CORO1A: variants seen among roughly 807,000 people sequenced by gnomAD.
CORO1A encodes coronin 1A, also known as coronin-1A.
A neutral mutation model predicts 44.1 loss-of-function variants in CORO1A; 17 were observed. That is an observed-to-expected ratio of 0.39 (90% CI 0.26 to 0.58). The LOEUF is 0.58. CORO1A is among the 20% of genes least tolerant of loss of function. The pLI is 0.62. For missense variants in CORO1A, 415 were observed against 606.5 expected, an observed-to-expected ratio of 0.68 and a Z score of 3.32; for synonymous variants, 271 against 244.2, an observed-to-expected ratio of 1.11 and a Z score of -1.02.
intron 2 of CORO1A, 64 bp from the exon 3 acceptor site, chr16:30,186,534 G>C: frequency 1.2e-6 from 2 of 1,600,302 alleles, no homozygotes; most frequent in Non-Finnish European, 1.7e-6. Context: ...TCTGAAGGAG[G>C]TGTGGGGAGG....
chr16:30,185,591 C>T (rs566372274), intron 2 of CORO1A, 184 bp downstream of exon 2: 18 of 617,366 alleles, frequency 2.9e-5, no homozygotes, highest in Non-Finnish European at 4.5e-5. Flanking sequence ...TGGAAACTGA[C>T]GCTCAGAAGG....
chr16:30,187,068 G>T lies in CORO1A; in HGVS notation c.481G>T (p.Val161Leu). Residue 161 changes from valine to leucine, a missense_variant, in exon 5 of 11, where the codon GTG becomes TTG. By Grantham distance (32) the Val-to-Leu change is conservative. Transcript: ENST00000219150. ...GCDNVIMVWDVGTGAAMLTLG... is the reference protein window; with the variant it reads ...GCDNVIMVWDLGTGAAMLTLG... ...TGACAACGTGATCATGGTGTGGGAC[G>T]TGGGCACTGGGGCGGCCATGCTGAC... 2 of 1,614,084 alleles carry T rather than the reference G, an allele frequency of 1.2e-6. No individual in the cohort carries two copies. Among genetic ancestry groups the T allele is most frequent in the Middle Eastern group, 1.6e-4 (1 of 6,062 alleles).
chr16:30,186,201 C>T (rs1246099676), intron 2 of CORO1A: 10 of 327,502 alleles, frequency 3.1e-5, no homozygotes, highest in African/African-American at 1.3e-4. Context: ...CACTCACACT[C>T]GCTCTCTGGG....
chr16:30,186,017 G>C, intron 2 of CORO1A: 1 of 201,370 alleles, frequency 5.0e-6, no homozygotes, highest in South Asian at 7.6e-5. Context: ...AAGAGGAAGT[G>C]GTTGTCGGGG....
intron 2 of CORO1A, chr16:30,185,686 G>C (rs2073325398): frequency 1.9e-6 from 1 of 516,882 alleles, no homozygotes; most frequent in Non-Finnish European, 3.5e-6. Context: ...GCCTCAGCCT[G>C]GGGCTTTCTC....
At position 30,187,418 on chromosome 16, in the gene CORO1A, C is replaced by G; in HGVS notation, c.673C>G (p.Arg225Gly). 1 of 1,611,286 alleles carries G rather than the reference C, an allele frequency of 6.2e-7. No homozygotes were observed. Among genetic ancestry groups the G allele is most frequent in the Non-Finnish European group, 8.5e-7 (1 of 1,180,004 alleles). ...DRPHEGTRPVRAVFVSEGKIL... is the reference protein window; with the variant it reads ...DRPHEGTRPVGAVFVSEGKIL... ...TCCCCACGAGGGGACCCGGCCCGTG[C>G]GTGCAGTGTTCGTGTCGGAGGGGAA... Residue 225 changes from arginine to glycine, a missense_variant, in exon 6 of 11, where the codon CGT becomes GGT. Around this residue, in one of 2 missense-constraint regions of CORO1A, gnomAD observed 325 missense variants for 521.7 expected, o/e 0.62. Transcript: ENST00000219150.
intron 9 of CORO1A, 34 bp downstream of exon 9, chr16:30,188,283 C>A: frequency 6.2e-7 from 1 of 1,611,146 alleles, no homozygotes; most frequent in Non-Finnish European, 8.5e-7. Flanking sequence ...GGGCTCCAGG[C>A]TGGGCACTGA....
At position 30,187,715 on chromosome 16, in the gene CORO1A, G is replaced by C. The variant is rs367708753; in HGVS notation, c.757-10G>C. The C allele has an allele frequency of 2.2e-5, 35 of 1,600,560 alleles. No individual in the cohort carries two copies. Among genetic ancestry groups the C allele is most frequent in the Non-Finnish European group, 2.9e-5 (34 of 1,169,200 alleles). On this transcript the variant is annotated splice_polypyrimidine_tract_variant and intron_variant, in intron 6 of 10. Coordinates refer to ENST00000219150, the MANE Select transcript of CORO1A (RefSeq NM_007074.4). Reference sequence around the variant, plus strand: ...GGGCCTGGGATGTTACCTCTCACCTGTGTCTACAGAAGCACCTGGAGGAGC... The same window carrying C: ...GGGCCTGGGATGTTACCTCTCACCTCTGTCTACAGAAGCACCTGGAGGAGC...
chr16:30,184,207 G>T lies in CORO1A; in HGVS notation c.-2+482G>T, dbSNP rs2073307191. The stretch of plus-strand genomic sequence containing the variant: ...GCTTCCTGTCCCCCACCTCTGGTCC[G>T]GGGCTCCCCTCTCTCCAGATACAGG... On this transcript the variant is annotated intron_variant, in intron 1 of 10. Coordinates refer to ENST00000219150, the MANE Select transcript of CORO1A (RefSeq NM_007074.4). This position sits in a 1 kb window ranked among gnomAD's most constrained non-coding sequence, Gnocchi z 4.3. The T allele has an allele frequency of 6.6e-6, 1 of 152,250 alleles. No homozygotes were observed. Among genetic ancestry groups the T allele is most frequent in the South Asian group, 2.1e-4 (1 of 4,830 alleles). The allele number at this position is 152,250 out of a possible 1,614,324, so 9.4% of individuals were successfully genotyped here.
intron 9 of CORO1A, 54 bp downstream of exon 9, chr16:30,188,303 CT>C: frequency 6.2e-6 from 10 of 1,612,084 alleles, no homozygotes; most frequent in Non-Finnish European, 8.5e-6. Flanking sequence ...ACTTTGCGGT[CT>C]TGTGGGGGGT....
rs1567378273 is a variant in CORO1A at position 30,189,014 on chromosome 16, C to T, written c.*50C>T. The T allele has an allele frequency of 6.6e-6, 1 of 152,150 alleles. No homozygotes were observed. The highest frequency in any genetic ancestry group is 1.1e-5 in the Non-Finnish European group (1 of 88,590). The allele number at this position is 152,150 out of a possible 1,614,324, so 9.4% of individuals were successfully genotyped here. On this transcript the variant is annotated 3_prime_UTR_variant, in exon 11 of 11. Transcript: ENST00000219150. ...TCAGCCATTCACACCCATCCACTCA[C>T]CTCCCATTCCCAGCCACATGGCAGA...
rs371818902 is a variant in CORO1A at position 30,187,218 on chromosome 16, G to A, written c.631G>A (p.Val211Ile). 38 of 1,611,934 alleles carry A rather than the reference G, an allele frequency of 2.4e-5. No individual in the cohort carries two copies. Among genetic ancestry groups the A allele is most frequent in the Admixed American group, 1.2e-4 (7 of 60,014 alleles). Residue 211 changes from valine (V) to isoleucine (I), a missense_variant, in exon 5 of 11, where the codon GTA (valine) becomes ATA (isoleucine). Transcript: ENST00000219150. ...RIIEPRKGTV[V>I]AEKDRPHEGT... ...CATCGAGCCCCGCAAAGGCACTGTC[G>A]TAGCTGTGAGTCGCCATCTACCCTG...
Position 30,188,149 on chromosome 16 carries a change from C to G in CORO1A, c.1008-43C>G, listed in dbSNP as rs965845652. 2.5e-6 allele frequency: 4 copies of G among 1,613,730 alleles called. No homozygotes were observed. In the African/African-American group the frequency reaches 5.3e-5, roughly 22 times the overall value. The stretch of plus-strand genomic sequence containing the variant: ...TGGGCAGTGGGCAGTCCCAAGCCCA[C>G]CCAACCAGACTGTGGGCCCCGCTCA... On this transcript the variant is annotated intron_variant, in intron 8 of 10. Transcript: ENST00000219150.
At position 30,183,736 on chromosome 16, in the gene CORO1A, G is replaced by A; in HGVS notation, c.-2+11G>A. The A allele has an allele frequency of 6.6e-6, 1 of 152,434 alleles. No individual in the cohort carries two copies. Among genetic ancestry groups the A allele is most frequent in the Non-Finnish European group, 1.5e-5 (1 of 68,112 alleles). The allele number at this position is 152,434 out of a possible 1,614,324, so 9.4% of individuals were successfully genotyped here. ...CTCTCTCGGCAGCAGGTGAGGCTGGGCCTGGGAGGCGCGGGTGGGCCGGGG... is the reference window on the plus strand; with the variant it reads ...CTCTCTCGGCAGCAGGTGAGGCTGGACCTGGGAGGCGCGGGTGGGCCGGGG... On this transcript the variant is annotated intron_variant, in intron 1 of 10. Coordinates refer to ENST00000219150, the MANE Select transcript of CORO1A (RefSeq NM_007074.4). The surrounding 1 kb of genome is among the most constrained non-coding windows in gnomAD (Gnocchi z 5.0).
At position 30,186,829 on chromosome 16, in the gene CORO1A, C is replaced by T. The variant is rs1305786235; in HGVS notation, c.335C>T (p.Pro112Leu). The T allele has an allele frequency of 3.1e-6, 5 of 1,611,024 alleles. No homozygotes were observed. Among genetic ancestry groups the T allele is most frequent in the South Asian group, 1.1e-5 (1 of 91,078 alleles). The change falls in exon 4 of 11, where the codon CCA (proline) becomes CTA (leucine). Residue 112 changes from proline (P) to leucine (L), a missense_variant. Physicochemically the swap from Pro to Leu is moderately conservative, Grantham distance 98. Coordinates refer to ENST00000219150, the MANE Select transcript of CORO1A (RefSeq NM_007074.4). ...EDCTVMVWEI[P>L]DGGLMLPLRE... ...CCTCCTCTGCAGGTGTGGGAGATCC[C>T]AGATGGGGGCCTGATGCTGCCCCTG...
rs779167045 is a variant in CORO1A at position 30,187,022 on chromosome 16, CTG to C, written c.452-14_452-13del. ...GGCAGGAGGCTCATGGCTTCTGACA[CTG>C]TGGGGAACGTGCAGGTTGTGACAAC... On this transcript the variant is annotated splice_polypyrimidine_tract_variant and intron_variant, in intron 4 of 10. Coordinates refer to ENST00000219150, the MANE Select transcript of CORO1A (RefSeq NM_007074.4). The C allele has an allele frequency of 1.1e-4, 184 of 1,613,868 alleles. No homozygotes were observed. The highest frequency in any genetic ancestry group is 1.6e-4 in the Middle Eastern group (1 of 6,062).
chr16:30,188,462 C>T lies in CORO1A; in HGVS notation c.1167C>T (p.Leu389=). 6.2e-7 allele frequency: 1 copy of T among 1,613,426 alleles called. No individual in the cohort carries two copies. The highest frequency in any genetic ancestry group is 8.5e-7 in the Non-Finnish European group (1 of 1,180,002). Residue 389 remains leucine, a synonymous_variant, in exon 10 of 11, where the codon CTC becomes CTT. Coordinates refer to ENST00000219150, the MANE Select transcript of CORO1A (RefSeq NM_007074.4). ...WLGGRDAGPL[L]ISLKDGYVPP... ...GGGGTCGGGATGCTGGGCCCCTCCTCATCTCCCTCAAGGATGGCTACGTAC... is the reference window on the plus strand; with the variant it reads ...GGGGTCGGGATGCTGGGCCCCTCCTTATCTCCCTCAAGGATGGCTACGTAC...
At position 30,184,676 on chromosome 16, in the gene CORO1A, G is replaced by A. The variant is rs1361180234; in HGVS notation, c.-1-533G>A. 2 of 192,448 alleles carry A rather than the reference G, an allele frequency of 1.0e-5. No homozygotes were observed. The highest frequency in any genetic ancestry group is 8.1e-5 in the South Asian group (1 of 12,384). The allele number at this position is 192,448 out of a possible 1,614,324, so 11.9% of individuals were successfully genotyped here. ...GACCTGCTGGGGAAGCTATCCTGCC[G>A]CCTCACTCCCCTCAGGCAGCCCCCA... On this transcript the variant is annotated intron_variant, in intron 1 of 10. Coordinates refer to ENST00000219150, the MANE Select transcript of CORO1A (RefSeq NM_007074.4). This position sits in a 1 kb window ranked among gnomAD's most constrained non-coding sequence, Gnocchi z 4.3.
chr16:30,187,640 TGGTC>T, intron 6 of CORO1A, 81 bp from the exon 7 acceptor site: 3 of 1,474,600 alleles, frequency 2.0e-6, no homozygotes, highest in Non-Finnish European at 2.8e-6. Flanking sequence ...TCCCACTGGT[TGGTC>T]GGGAGGGCCC....
Sources: gnomAD v4.1 joint callset for allele counts on GRCh38, gnomAD v4.1.1 for gene constraint, gnomAD v4.1.1 regional missense constraint, Gnocchi (gnomAD v3.1) non-coding constraint, MANE v1.5 for transcripts, NCBI Gene and HGNC (gene_info 2026-07-23, HGNC 2026-07-21) for gene names.